MAP4: variants seen among roughly 807,000 people sequenced by gnomAD.
The protein encoded by MAP4 is microtubule-associated protein 4.
In MAP4, 76 loss-of-function variants were observed where a neutral mutation model predicts 170.2. The ratio of observed to expected loss-of-function variants is 0.45; its 90% CI spans 0.37 to 0.54. The LOEUF (loss-of-function observed/expected upper bound fraction) is 0.54, where lower values mean the gene tolerates loss of function less well. Among genes scored for constraint, MAP4 ranks in the 20% least tolerant of loss-of-function variants. The pLI, the probability that MAP4 is intolerant of heterozygous loss-of-function variation, is 0.00. For synonymous variants in MAP4, 909 were observed against 994.5 expected, an observed-to-expected ratio of 0.91 and a Z score of 1.62; for missense variants, 2,506 against 2,748.0, an observed-to-expected ratio of 0.91 and a Z score of 1.97.
chr3:47,950,398 C>A (rs145235121), intron 3 of MAP4, among the ~76,000 whole-genome samples: 1 of 152,218 alleles, frequency 6.6e-6, no homozygotes, highest in Non-Finnish European at 1.5e-5. Flanking sequence ...GGTTTAAGTG[C>A]AGTGCTAAGC....
At chr3:47,861,541 C>G (rs1034877964) in intron 17 of MAP4, among the ~76,000 whole-genome samples, 1 of 150,808 alleles carries the variant, frequency 6.6e-6, no homozygotes, top group African/African-American at 2.4e-5. Flanking sequence ...TTAGTAGAGC[C>G]GGGGTTTCAC....
At position 47,875,846 on chromosome 3, in the gene MAP4, G is replaced by A. The variant is rs760248465; in HGVS notation, c.5596C>T (p.Pro1866Ser). The change falls in exon 12 of 21, where the codon CCC (proline) becomes TCC (serine). Residue 1866 changes from proline (P) to serine (S), a missense_variant. By Grantham distance (74) the Pro-to-Ser change is moderately conservative. Transcript: ENST00000683076. The stretch of plus-strand genomic sequence containing the variant: ...GCTGGCTGCTTAGGGAGAGAAGTGG[G>A]CTGTGTTTTGGCTTTCGATGTTGAA... ...KTSTSKAKTQPTSLPKQPAPT... is the reference protein window; with the variant it reads ...KTSTSKAKTQSTSLPKQPAPT... 3.7e-6 allele frequency: 6 copies of A among 1,613,652 alleles called. No homozygotes were observed. Among genetic ancestry groups the A allele is most frequent in the Non-Finnish European group, 5.1e-6 (6 of 1,179,960 alleles).
intron 17 of MAP4, among the ~76,000 whole-genome samples, chr3:47,861,593 C>A (rs1245026306): frequency 6.6e-6 from 1 of 151,654 alleles, no homozygotes; most frequent in Non-Finnish European, 1.5e-5. Flanking sequence ...CCTTGTGACC[C>A]ACCTGCCTCA....
At chr3:47,892,534 C>T in intron 10 of MAP4, 1 of 1,475,182 alleles carries the variant, frequency 6.8e-7, no homozygotes, top group Non-Finnish European at 8.9e-7. Context: ...TCCTGGAGCT[C>T]TAATACCACC....
At chr3:48,070,135 A>G (rs1485557761) in intron 1 of MAP4, among the ~76,000 whole-genome samples, 1 of 151,802 alleles carries the variant, frequency 6.6e-6, no homozygotes, top group Admixed American at 6.6e-5. Flanking sequence ...ATGGCTAGAT[A>G]ATTTTTTTTA....
intron 1 of MAP4, among the ~76,000 whole-genome samples, chr3:48,065,385 A>G (rs1342763334): frequency 6.6e-6 from 1 of 152,218 alleles, no homozygotes; most frequent in African/African-American, 2.4e-5. Context: ...AATCTGCCTT[A>G]TAAAAAGATC....
chr3:47,955,197 T>C (rs367675224), intron 3 of MAP4, among the ~76,000 whole-genome samples: 1 of 152,176 alleles, frequency 6.6e-6, no homozygotes, highest in Non-Finnish European at 1.5e-5. Flanking sequence ...ATGCCCCAGA[T>C]ATAGCATCTT....
At chr3:48,005,931 CA>C (rs2100102075) in intron 1 of MAP4, among the ~76,000 whole-genome samples, 1 of 152,174 alleles carries the variant, frequency 6.6e-6, no homozygotes, top group African/African-American at 2.4e-5. Context: ...ACTCAACCAT[CA>C]AAGGCAAGGT....
chr3:48,054,690 C>T (rs918680735), intron 1 of MAP4, among the ~76,000 whole-genome samples: 5 of 146,126 alleles, frequency 3.4e-5, no homozygotes, highest in African/African-American at 1.3e-4. Context: ...CTCCTGTAAT[C>T]CCAGCTACTC....
At chr3:47,978,748 C>CT (rs541932430) in intron 2 of MAP4, among the ~76,000 whole-genome samples, 386 of 135,756 alleles carry the variant, frequency 2.8e-3, no homozygotes, top group East Asian at 4.5e-3. Flanking sequence ...TTTTTTCCCT[C>CT]TTTTTTTTTT....
rs148673756 is a variant in MAP4 at position 47,958,873 on chromosome 3, G to A, written c.292+18992C>T. On this transcript the variant is annotated intron_variant, in intron 3 of 20. Transcript: ENST00000683076. ...TAATTTTTGTATTTTTAGTAGAGAC[G>A]GGGTTTCACCATGTTGGCCAGGATG... 9.4e-3 allele frequency among the ~76,000 whole-genome samples: 1,424 copies of A among 151,978 alleles called. 11 individuals are homozygous for A. Among genetic ancestry groups the A allele is most frequent in the East Asian group, 0.021 (107 of 5,150 alleles).
At chr3:48,074,139 T>G (rs1023277607) in intron 1 of MAP4, among the ~76,000 whole-genome samples, 1 of 151,592 alleles carries the variant, frequency 6.6e-6, no homozygotes, top group Non-Finnish European at 1.5e-5. Context: ...TAAAAAAGGA[T>G]GAGTTCATGT....
intron 1 of MAP4, among the ~76,000 whole-genome samples, chr3:48,008,939 C>G (rs2100103829): frequency 6.6e-6 from 1 of 152,186 alleles, no homozygotes; most frequent in Admixed American, 6.5e-5. Context: ...AGCCAGCTAC[C>G]TGGTGGCGGA....
intron 1 of MAP4, among the ~76,000 whole-genome samples, chr3:48,040,369 G>C (rs1174350156): frequency 6.6e-6 from 1 of 151,580 alleles, no homozygotes; most frequent in Non-Finnish European, 1.5e-5. Context: ...CCTGGGTTCA[G>C]GCCATTCTCC....
chr3:47,919,056 C>T (rs1274351889), intron 5 of MAP4, among the ~76,000 whole-genome samples: 3 of 151,972 alleles, frequency 2.0e-5, no homozygotes, highest in African/African-American at 2.4e-5. Flanking sequence ...CTCAGTCTCC[C>T]GAGTAGCTGG....
chr3:47,886,491 G>A (rs1303571587), intron 10 of MAP4, among the ~76,000 whole-genome samples: 1 of 152,094 alleles, frequency 6.6e-6, no homozygotes, highest in Non-Finnish European at 1.5e-5. Context: ...CCATAGAGAT[G>A]GGTTTTTTGC....
chr3:48,009,390 C>G (rs565104672), intron 1 of MAP4, among the ~76,000 whole-genome samples: 2 of 152,188 alleles, frequency 1.3e-5, no homozygotes, highest in Non-Finnish European at 2.9e-5. Context: ...CGTGAGCCAC[C>G]GCACCCAGCT....
chr3:47,888,299 T>A (rs1203665884), intron 10 of MAP4, among the ~76,000 whole-genome samples: 1 of 152,164 alleles, frequency 6.6e-6, no homozygotes, highest in African/African-American at 2.4e-5. Flanking sequence ...CGGGTCCCCT[T>A]CCACACTGTG....
chr3:47,911,109 G>C lies in MAP4; in HGVS notation c.3312C>G (p.Val1104=). 6.5e-7 allele frequency: 1 copy of C among 1,536,132 alleles called. No homozygotes were observed. Among genetic ancestry groups the C allele is most frequent in the South Asian group, 1.2e-5 (1 of 84,056 alleles). Residue 1104 remains valine, a synonymous_variant, in exon 9 of 21, where the codon GTC becomes GTG. Coordinates refer to ENST00000683076, the MANE Select transcript of MAP4 (RefSeq NM_001385682.1). The surrounding 1 kb of genome is among the most constrained non-coding windows in gnomAD (Gnocchi z 4.0). ...GAGTAGTCATTCCTTCAGTTTTAGA[G>C]ACTGGCTCACTCGGTATGAGAACAG... is the stretch of plus-strand genomic sequence containing the variant. The part of the protein sequence containing the change: ...GRAVLIPSEP[V]SKTEGMTTQD...
Sources: allele counts gnomAD v4.1 joint callset (sites outside exome capture counted in the v4.1 genomes callset), GRCh38; gene constraint gnomAD v4.1.1; non-coding constraint Gnocchi (gnomAD v3.1); transcripts MANE v1.5; gene names NCBI Gene and HGNC (gene_info 2026-07-23, HGNC 2026-07-21).